Variants in PTPRE observed in about 807,000 individuals in gnomAD.
PTPRE encodes receptor-type tyrosine-protein phosphatase epsilon.
Under a neutral mutation model 102.0 loss-of-function variants are expected in PTPRE, and 51 were observed. That is an observed-to-expected ratio of 0.50 (90% CI 0.40 to 0.63). PTPRE has a LOEUF of 0.63. Among genes scored for constraint, PTPRE ranks in the 30% least tolerant of loss-of-function variants. The pLI is 0.00. For synonymous variants in PTPRE, 345 were observed against 348.2 expected, an observed-to-expected ratio of 0.99 and a Z score of 0.10; for missense variants, 752 against 915.1, an observed-to-expected ratio of 0.82 and a Z score of 2.30.
chr10:127,991,643 T>A lies in PTPRE; in HGVS notation c.-8+9347T>A, dbSNP rs573292504. ...TTTTTGAAACATTTTCTGGGGGTAA[T>A]ACAAATCCAATCCATTTGGGAAGTC... On this transcript the variant is annotated intron_variant, in intron 2 of 20. Coordinates refer to ENST00000254667, the MANE Select transcript of PTPRE (RefSeq NM_006504.6). 7.3e-4 allele frequency among the ~76,000 whole-genome samples: 111 copies of A among 152,354 alleles called. 1 individual carries two copies. Among genetic ancestry groups the A allele is most frequent in the African/African-American group, 2.6e-3 (109 of 41,572 alleles).
chr10:127,969,576 A>G (rs1850533805), intron 1 of PTPRE, among the ~76,000 whole-genome samples: 1 of 151,780 alleles, frequency 6.6e-6, no homozygotes, highest in African/African-American at 2.4e-5. Context: ...GCTGAGGCAC[A>G]AGAATTGCTT....
intron 10 of PTPRE, among the ~76,000 whole-genome samples, chr10:128,064,381 C>T (rs529225031): frequency 3.3e-5 from 5 of 152,364 alleles, no homozygotes; most frequent in African/African-American, 1.2e-4. Flanking sequence ...TTGCCCTTGT[C>T]ATGCTTTGTC....
At chr10:127,938,973 T>C (rs986124846) in intron 1 of PTPRE, among the ~76,000 whole-genome samples, 1 of 152,198 alleles carries the variant, frequency 6.6e-6, no homozygotes, top group Non-Finnish European at 1.5e-5. Context: ...AATTTGGATG[T>C]GTGTTACCAG....
intron 2 of PTPRE, among the ~76,000 whole-genome samples, chr10:127,996,475 T>C (rs1441828226): frequency 6.6e-6 from 1 of 152,216 alleles, no homozygotes; most frequent in Admixed American, 6.5e-5. Flanking sequence ...TTGATTCAAA[T>C]TGCTCATTCC....
chr10:128,067,192 G>T (rs1307634867), intron 11 of PTPRE, among the ~76,000 whole-genome samples: 1 of 125,102 alleles, frequency 8.0e-6, no homozygotes, highest in South Asian at 2.6e-4. Context: ...TCACACATGT[G>T]CACACACATA....
At chr10:128,022,615 C>T (rs1845990074) in intron 2 of PTPRE, among the ~76,000 whole-genome samples, 1 of 152,212 alleles carries the variant, frequency 6.6e-6, no homozygotes. Flanking sequence ...AGAGGCCCCT[C>T]CAGAAAGTGC....
At chr10:128,030,818 C>T (rs1159294243) in intron 2 of PTPRE, among the ~76,000 whole-genome samples, 1 of 152,162 alleles carries the variant, frequency 6.6e-6, no homozygotes, top group Non-Finnish European at 1.5e-5. Context: ...CCCTGCAGGC[C>T]TCCCTCACCT....
chr10:128,025,158 C>CAAAAAAAAAAAAAAAA (rs71472683), intron 2 of PTPRE, among the ~76,000 whole-genome samples: 23 of 65,778 alleles, frequency 3.5e-4, no homozygotes, highest in Non-Finnish European at 4.0e-4. Flanking sequence ...GATCCTGTCT[C>CAAAAAAAAAAAAAAAA]AAAAAAAAAA....
intron 1 of PTPRE, among the ~76,000 whole-genome samples, chr10:127,955,312 A>G (rs76658213): frequency 6.6e-6 from 1 of 152,124 alleles, no homozygotes; most frequent in African/African-American, 2.4e-5. Context: ...ATACATACAT[A>G]CATACATACA....
At chr10:128,050,998 TC>T (rs1848523126) in intron 6 of PTPRE, among the ~76,000 whole-genome samples, 1 of 152,244 alleles carries the variant, frequency 6.6e-6, no homozygotes. Flanking sequence ...TCCAAATGTG[TC>T]CCCTTTTTTG....
At chr10:127,999,933 C>G (rs1426456076) in intron 2 of PTPRE, 1 of 985,322 alleles carries the variant, frequency 1.0e-6, no homozygotes, top group East Asian at 1.1e-4. Flanking sequence ...GAATTGATCA[C>G]CTAGGGGCTA....
chr10:128,048,680 A>G (rs1848299874), intron 5 of PTPRE, among the ~76,000 whole-genome samples: 1 of 152,142 alleles, frequency 6.6e-6, no homozygotes, highest in Non-Finnish European at 1.5e-5. Flanking sequence ...CCTGCCCTGA[A>G]TGTTTCAATA....
intron 7 of PTPRE, among the ~76,000 whole-genome samples, chr10:128,057,136 G>A (rs1465184022): frequency 6.6e-6 from 1 of 151,878 alleles, no homozygotes; most frequent in African/African-American, 2.4e-5. Context: ...AGAATCTCTT[G>A]AACCTGGGAG....
At chr10:128,057,545 T>C (rs973958074) in intron 7 of PTPRE, among the ~76,000 whole-genome samples, 2 of 152,218 alleles carry the variant, frequency 1.3e-5, no homozygotes, top group Admixed American at 6.5e-5. Context: ...GTCCGATCTG[T>C]GGTCTGTCCA....
intron 6 of PTPRE, among the ~76,000 whole-genome samples, chr10:128,053,276 AGAAAT>A (rs998631311): frequency 2.6e-4 from 39 of 152,286 alleles, no homozygotes; most frequent in African/African-American, 8.2e-4. Context: ...AAAAAAGGAA[AGAAAT>A]GAAATGAAAT....
intron 6 of PTPRE, 48 bp downstream of exon 6, chr10:128,049,714 G>A: frequency 6.2e-7 from 1 of 1,610,412 alleles, no homozygotes; most frequent in Non-Finnish European, 8.5e-7. Flanking sequence ...GTGGAGACCT[G>A]TGAAATCCAG....
At chr10:128,053,243 C>T (rs1042754592) in intron 6 of PTPRE, among the ~76,000 whole-genome samples, 1 of 151,902 alleles carries the variant, frequency 6.6e-6, no homozygotes, top group African/African-American at 2.4e-5. Context: ...AGAGTGAGAC[C>T]CTGTCTCAAA....
At chr10:127,939,947 C>G (rs557465041) in intron 1 of PTPRE, among the ~76,000 whole-genome samples, 1 of 149,944 alleles carries the variant, frequency 6.7e-6, no homozygotes, top group East Asian at 2.0e-4. Context: ...CAGGAGGAGG[C>G]AGGTGAGGGC....
In PTPRE at chr10:128,079,687, C is replaced by G; in HGVS notation, c.2020C>G (p.Gln674Glu). ...SLRLQRPHMV[Q>E]TLEQYEFCYK... ...ACGACTTCAGAGACCACATATGGTG[C>G]AAACCCTGGTAAGAATCTGAATAAG... The change falls in exon 20 of 21, where the codon CAA becomes GAA. Residue 674 changes from glutamine to glutamate, a missense_variant. This residue lies in a region of PTPRE where 636 missense variants were observed against 824.4 expected (regional missense o/e 0.77). Transcript: ENST00000254667. 1 of 1,612,354 alleles carries G rather than the reference C, an allele frequency of 6.2e-7. No homozygotes were observed. The highest frequency in any genetic ancestry group is 8.5e-7 in the Non-Finnish European group (1 of 1,178,554).
Sources: gnomAD v4.1 joint callset for allele counts (sites outside exome capture counted in the v4.1 genomes callset) on GRCh38, gnomAD v4.1.1 for gene constraint, gnomAD v4.1.1 regional missense constraint, MANE v1.5 for transcripts, NCBI Gene and HGNC (gene_info 2026-07-23, HGNC 2026-07-21) for gene names.